Variants in NFU1 observed in about 807,000 individuals in gnomAD.
NFU1 encodes NFU1 iron-sulfur cluster scaffold.
NFU1 carries 30 observed loss-of-function variants against 32.2 expected under a neutral mutation model. The observed-to-expected ratio is 0.93, with a 90% CI of 0.70 to 1.26. The LOEUF (loss-of-function observed/expected upper bound fraction) is 1.26. Among genes scored for constraint, NFU1 ranks in the 50% most tolerant of loss-of-function variants. The probability of loss-of-function intolerance (pLI) is 0.00; values close to 1 mark genes in which losing one functional copy is unlikely to be tolerated. For missense variants in NFU1, 306 were observed against 306.6 expected, an observed-to-expected ratio of 1.00 and a Z score of 0.02; for synonymous variants, 112 against 104.6, an observed-to-expected ratio of 1.07 and a Z score of -0.43.
At chr2:69,438,466 C>G (rs536963427), upstream of NFU1, among the ~76,000 whole-genome samples, 7 of 151,786 alleles carry the variant, frequency 4.6e-5, no homozygotes, top group Non-Finnish European at 1.0e-4. Flanking sequence ...AGAGGTCTCC[C>G]TGTGTTGCCT....
chr2:69,420,042 G>A (rs1436044656), intron 3 of NFU1, among the ~76,000 whole-genome samples: 1 of 150,646 alleles, frequency 6.6e-6, no homozygotes, highest in Non-Finnish European at 1.5e-5. Flanking sequence ...GTCACCCTCT[G>A]TCCCCCAGGC....
intron 5 of NFU1, among the ~76,000 whole-genome samples, chr2:69,413,155 G>T (rs1672942051): frequency 6.6e-6 from 1 of 151,912 alleles, no homozygotes; most frequent in African/African-American, 2.4e-5. Context: ...CATGGTGGCA[G>T]GCACCTGTAA....
chr2:69,429,901 C>A, intron 2 of NFU1: 1 of 217,612 alleles, frequency 4.6e-6, no homozygotes, highest in Non-Finnish European at 9.6e-6. Flanking sequence ...TGTTGGTACG[C>A]ACCTGTAGTA....
rs1291246226 is a variant in NFU1, at chr2:69,419,983, T to C, written c.303-379A>G. ...GACACCTACTAAGTGCCAGGCACTG[T>C]ACTGAGCACTAAACAGACTATTTTT... On this transcript the variant is annotated intron_variant, in intron 3 of 7. Coordinates refer to ENST00000410022, the MANE Select transcript of NFU1 (RefSeq NM_001002755.4). Among the ~76,000 whole-genome samples, 4 of 150,954 alleles carry C rather than the reference T, an allele frequency of 2.6e-5. No individual in the cohort carries two copies. The East Asian group carries it at 7.7e-4, about 29-fold the overall frequency.
downstream of NFU1, chr2:69,396,066 A>T (rs774174650): frequency 1.8e-6 from 1 of 555,062 alleles, no homozygotes; most frequent in South Asian, 2.6e-5. Flanking sequence ...CGTGTACAGA[A>T]GATGATTCAA....
chr2:69,426,981 A>C (rs1673476300), intron 2 of NFU1, among the ~76,000 whole-genome samples: 1 of 151,430 alleles, frequency 6.6e-6, no homozygotes, highest in Admixed American at 6.6e-5. Flanking sequence ...AGGCAGGAGA[A>C]TCGATTGAAC....
chr2:69,407,688 A>G (rs1287257796), intron 5 of NFU1, among the ~76,000 whole-genome samples: 8 of 147,706 alleles, frequency 5.4e-5, no homozygotes, highest in South Asian at 4.4e-4. Context: ...AAAAAAAAAA[A>G]AAAGAAAAGA....
At chr2:69,399,113 G>A (rs1672429404) in intron 7 of NFU1, 7 of 214,014 alleles carry the variant, frequency 3.3e-5, no homozygotes, top group Middle Eastern at 1.4e-3. Context: ...GAGGCTGAGG[G>A]ATGGGAACTG....
At position 69,424,161 on chromosome 2, in the gene NFU1, ACT is replaced by A. The variant is rs1170930890; in HGVS notation, c.167-446_167-445del. Among the ~76,000 whole-genome samples the A allele has an allele frequency of 3.0e-5, 3 of 101,210 alleles. 1 individual carries two copies. Among genetic ancestry groups the A allele is most frequent in the East Asian group, 6.2e-4 (2 of 3,232 alleles). The allele number at this position is 101,210 out of a possible 152,430, so 66.4% of individuals were successfully genotyped here. A position where few individuals can be genotyped will look rare whatever the true frequency, so the allele number is the denominator to read the frequency against. The stretch of plus-strand genomic sequence containing the variant: ...CACTCCAGCCTGGTGACAAAGTGAG[ACT>A]CTGTCTCAAAAAAAAAAAAAAAAAA... On this transcript the variant is annotated intron_variant, in intron 2 of 7. Coordinates refer to ENST00000410022, the MANE Select transcript of NFU1 (RefSeq NM_001002755.4).
chr2:69,421,822 A>G (rs975734642), intron 3 of NFU1, among the ~76,000 whole-genome samples: 3 of 151,790 alleles, frequency 2.0e-5, no homozygotes, highest in Non-Finnish European at 4.4e-5. Flanking sequence ...TCGGCCTCCC[A>G]AAGTGCTGGG....
intron 2 of NFU1, among the ~76,000 whole-genome samples, chr2:69,425,358 A>AT (rs61546880): frequency 5.0e-4 from 72 of 142,948 alleles, no homozygotes; most frequent in Middle Eastern, 3.6e-3. Flanking sequence ...TTTATTTTTA[A>AT]TTTTTTTTTT....
intron 6 of NFU1, among the ~76,000 whole-genome samples, chr2:69,401,393 T>C (rs898443350): frequency 1.3e-5 from 2 of 152,364 alleles, no homozygotes; most frequent in South Asian, 2.1e-4. Context: ...GTATCTGGCT[T>C]CCTATGCTCT....
intron 2 of NFU1, among the ~76,000 whole-genome samples, chr2:69,424,050 G>C (rs1040131114): frequency 5.3e-5 from 8 of 150,994 alleles, no homozygotes; most frequent in Non-Finnish European, 1.2e-4. Flanking sequence ...GCGGGTGCCT[G>C]TAATCCCAGC....
chr2:69,424,099 G>A (rs1470563078), intron 2 of NFU1, among the ~76,000 whole-genome samples: 2 of 143,438 alleles, frequency 1.4e-5, no homozygotes, highest in East Asian at 4.1e-4. Flanking sequence ...TTGAACCTGC[G>A]AGGCGGAGGT....
intron 4 of NFU1, among the ~76,000 whole-genome samples, chr2:69,418,602 G>A (rs1016994246): frequency 6.6e-6 from 1 of 152,144 alleles, no homozygotes; most frequent in African/African-American, 2.4e-5. Flanking sequence ...GAGTAGCTGG[G>A]GCTACAGGCG....
intron 3 of NFU1, 41 bp downstream of exon 3, chr2:69,423,541 T>C (rs1673337011): frequency 1.3e-6 from 2 of 1,590,698 alleles, no homozygotes; most frequent in African/African-American, 1.3e-5. Context: ...CAGTTAGTTA[T>C]TTATGTTTCT....
rs564282557 is a variant in NFU1 at position 69,433,667 on chromosome 2, G to A, written c.63-1662C>T. Among the ~76,000 whole-genome samples, 112 of 151,988 alleles carry A rather than the reference G, an allele frequency of 7.4e-4. 1 individual carries two copies. Among genetic ancestry groups the A allele is most frequent in the Non-Finnish European group, 4.7e-4 (32 of 68,026 alleles). On this transcript the variant is annotated intron_variant, in intron 1 of 7. Transcript: ENST00000410022. ...ATTTTTATATTTTTAGTAGAGACAG[G>A]GTTTCACCACGTTGGCCAGGCTGAT... is the stretch of plus-strand genomic sequence containing the variant.
chr2:69,403,590 G>A (rs1389364552), intron 6 of NFU1, among the ~76,000 whole-genome samples: 1 of 151,974 alleles, frequency 6.6e-6, no homozygotes, highest in East Asian at 1.9e-4. Flanking sequence ...TCACTATGTT[G>A]CCAGGGTGGT....
intron 2 of NFU1, among the ~76,000 whole-genome samples, chr2:69,430,217 CT>C (rs113587680): frequency 0.64 from 92,944 of 145,146 alleles, 30,052 homozygotes; most frequent in African/African-American, 0.79. Context: ...ATATTTCTTC[CT>C]TTTTTTTTTT....
Sources: allele counts gnomAD v4.1 joint callset (sites outside exome capture counted in the v4.1 genomes callset), GRCh38; gene constraint gnomAD v4.1.1; transcripts MANE v1.5; gene names NCBI Gene and HGNC (gene_info 2026-07-23, HGNC 2026-07-21).